The following SNAPC3 variants were observed in gnomAD, a reference collection of about 807,000 sequenced individuals.
The protein encoded by SNAPC3 is small nuclear RNA activating complex polypeptide 3.
SNAPC3 carries 56 observed loss-of-function variants against 47.7 expected under a neutral mutation model. The ratio of observed to expected loss-of-function variants is 1.18; its 90% CI spans 0.95 to 1.47. The LOEUF (loss-of-function observed/expected upper bound fraction) is 1.47, where lower values mean the gene tolerates loss of function less well. Among genes scored for constraint, SNAPC3 ranks in the 40% most tolerant of loss-of-function variants. The pLI is 0.00. For synonymous variants in SNAPC3, 235 were observed against 189.9 expected (o/e 1.24, Z -1.95); for missense variants, 665 against 511.3 (o/e 1.30, Z -2.90).
chr9:15,459,309 G>C (rs1056796001), intron 8 of SNAPC3, among the ~76,000 whole-genome samples: 15 of 152,194 alleles, frequency 9.9e-5, no homozygotes, highest in Non-Finnish European at 1.3e-4. Flanking sequence ...TATCAGTTAA[G>C]AAGGTATATT....
chr9:15,465,267 T>C (rs1300446880), downstream of SNAPC3: 2 of 414,176 alleles, frequency 4.8e-6, no homozygotes, highest in East Asian at 4.1e-5. Flanking sequence ...GCTACAACCA[T>C]GTCTGGAAAA....
At chr9:15,451,703 C>CT (rs2034400439) in intron 6 of SNAPC3, among the ~76,000 whole-genome samples, 2 of 151,634 alleles carry the variant, frequency 1.3e-5, no homozygotes, top group African/African-American at 2.4e-5. Flanking sequence ...GACTCTGTCT[C>CT]TAAAAAAAAA....
chr9:15,422,966 TC>T lies in SNAPC3; in HGVS notation c.89del (p.Pro30GlnfsTer8). The T allele has an allele frequency of 6.5e-7, 1 of 1,541,884 alleles. No homozygotes were observed. Among genetic ancestry groups the T allele is most frequent in the Non-Finnish European group, 8.7e-7 (1 of 1,149,652 alleles). ...TCTCCGGCAGTGGCGGCTGCAACTT[TC>T]CAGAGTATGAGCTTCCCGAGCTAAA... ...PVSGSGGCNF[P>X]EYELPELNTR... On this transcript the variant is annotated frameshift_variant, in exon 1 of 9. Coordinates refer to ENST00000380821, the MANE Select transcript of SNAPC3 (RefSeq NM_001039697.2). LOFTEE classifies it high-confidence loss of function.
At chr9:15,433,280 A>G (rs991396940) in intron 2 of SNAPC3, among the ~76,000 whole-genome samples, 2 of 152,120 alleles carry the variant, frequency 1.3e-5, no homozygotes, top group Non-Finnish European at 2.9e-5. Flanking sequence ...AGAAAAAAAA[A>G]AAAACGAGTA....
chr9:15,433,690 A>G (rs2032456022), intron 3 of SNAPC3, 54 bp downstream of exon 3: 4 of 1,125,370 alleles, frequency 3.6e-6, no homozygotes, highest in African/African-American at 3.1e-5. Flanking sequence ...GTAAACCGAC[A>G]TTGGCTGAGG....
At chr9:15,463,572 GA>G (rs1433517284), downstream of SNAPC3, 2 of 151,940 alleles carry the variant, frequency 1.3e-5, no homozygotes, top group Non-Finnish European at 2.9e-5. Flanking sequence ...TCAAGCTGTG[GA>G]GTTTTGACCA....
At chr9:15,444,795 CATTAAAAATAA>C in intron 4 of SNAPC3, 89 bp downstream of exon 4, 1 of 704,094 alleles carries the variant, frequency 1.4e-6, no homozygotes, top group Non-Finnish European at 2.4e-6. Context: ...CCTATGCTTA[CATTAAAAATAA>C]ACACTCTGGG....
intron 2 of SNAPC3, among the ~76,000 whole-genome samples, chr9:15,428,133 A>AC: frequency 7.3e-6 from 1 of 136,174 alleles, no homozygotes; most frequent in African/African-American, 2.7e-5. Context: ...AAAAAAAAAA[A>AC]CTGTCAAACA....
At chr9:15,444,504 G>T in intron 3 of SNAPC3, 98 bp from the exon 4 acceptor site, 1 of 711,428 alleles carries the variant, frequency 1.4e-6, no homozygotes, top group East Asian at 2.6e-5. Flanking sequence ...TCAAACCCAA[G>T]GCTGCTTGAC....
At chr9:15,428,508 CA>C (rs397952770) in intron 2 of SNAPC3, among the ~76,000 whole-genome samples, 100 of 129,202 alleles carry the variant, frequency 7.7e-4, no homozygotes, top group African/African-American at 9.9e-4. Flanking sequence ...GACTCTGTCT[CA>C]AAAAAAAAAA....
intron 3 of SNAPC3, among the ~76,000 whole-genome samples, chr9:15,441,259 T>A (rs886127908): frequency 6.6e-6 from 1 of 151,636 alleles, no homozygotes; most frequent in African/African-American, 2.4e-5. Context: ...TTATATACCC[T>A]GAAGTGGGAT....
intron 2 of SNAPC3, among the ~76,000 whole-genome samples, chr9:15,425,664 G>A (rs961668231): frequency 2.0e-5 from 3 of 152,214 alleles, no homozygotes; most frequent in Non-Finnish European, 4.4e-5. Context: ...ACTCCCATCT[G>A]TGTATTGTTC....
intron 8 of SNAPC3, among the ~76,000 whole-genome samples, chr9:15,459,517 T>C (rs548994016): frequency 3.5e-4 from 53 of 152,344 alleles, no homozygotes; most frequent in African/African-American, 1.3e-3. Flanking sequence ...TTCTTAATGT[T>C]AGATGCCCTT....
downstream of SNAPC3, chr9:15,462,640 G>A (rs1342584313): frequency 6.6e-6 from 1 of 152,158 alleles, no homozygotes; most frequent in Admixed American, 6.5e-5. Flanking sequence ...GGATACACAT[G>A]CACAGAAGTT....
chr9:15,449,763 G>A (rs1477439373), intron 5 of SNAPC3, among the ~76,000 whole-genome samples: 1 of 151,192 alleles, frequency 6.6e-6, no homozygotes, highest in African/African-American at 2.4e-5. Flanking sequence ...TAGAGATGGG[G>A]TTTCTCCATG....
intron 2 of SNAPC3, among the ~76,000 whole-genome samples, chr9:15,430,148 A>G (rs1563839745): frequency 6.6e-6 from 1 of 152,248 alleles, no homozygotes; most frequent in African/African-American, 2.4e-5. Flanking sequence ...TATTACTAAC[A>G]GGTTGCGTGC....
chr9:15,466,617 G>C (rs2035644148), downstream of SNAPC3: 1 of 639,640 alleles, frequency 1.6e-6, no homozygotes, highest in Non-Finnish European at 2.5e-6. Flanking sequence ...ATTGTAACTT[G>C]CTTACTGAAT....
At chr9:15,437,244 T>C (rs970788970) in intron 3 of SNAPC3, among the ~76,000 whole-genome samples, 6 of 149,346 alleles carry the variant, frequency 4.0e-5, no homozygotes, top group African/African-American at 1.5e-4. Flanking sequence ...CTTAATTCCT[T>C]TTTTTTTTTG....
chr9:15,444,247 C>T (rs1166677489), intron 3 of SNAPC3, among the ~76,000 whole-genome samples: 1 of 152,190 alleles, frequency 6.6e-6, no homozygotes, highest in African/African-American at 2.4e-5. Flanking sequence ...AAATAGCTTT[C>T]ACAGGAATAT....
Sources: gnomAD v4.1 joint callset for allele counts (sites outside exome capture counted in the v4.1 genomes callset) on GRCh38, gnomAD v4.1.1 for gene constraint, MANE v1.5 for transcripts, NCBI Gene and HGNC (gene_info 2026-07-23, HGNC 2026-07-21) for gene names.